Variants in LINC00305 observed in about 807,000 individuals in gnomAD.
LINC00305 encodes the protein long independently transcribed non-coding RNA 305, also known as long intergenic non-protein coding RNA 305.
intron 1 of LINC00305, among the ~76,000 whole-genome samples, chr18:64,125,451 G>A (rs558194256): frequency 1.1e-4 from 17 of 151,648 alleles, no homozygotes; most frequent in African/African-American, 3.1e-4. Flanking sequence ...ATCTTAATTC[G>A]TATTCTCAAA....
chr18:64,115,141 C>A (rs1259307562), intron 1 of LINC00305, among the ~76,000 whole-genome samples: 1 of 152,220 alleles, frequency 6.6e-6, no homozygotes, highest in African/African-American at 2.4e-5. Context: ...ACACTCATCT[C>A]CGCCTTATCT....
intron 3 of LINC00305, among the ~76,000 whole-genome samples, chr18:64,092,155 C>G (rs1357168381): frequency 6.6e-6 from 1 of 152,238 alleles, no homozygotes; most frequent in East Asian, 1.9e-4. Context: ...TGTTTCTCCT[C>G]ATTTCTCCTT....
At chr18:64,092,904 C>T (rs879626355) in intron 3 of LINC00305, among the ~76,000 whole-genome samples, 2 of 152,166 alleles carry the variant, frequency 1.3e-5, no homozygotes, top group African/African-American at 2.4e-5. Context: ...ACAGTCACAG[C>T]TCTTAACCAC....
chr18:64,143,624 G>A (rs1257671669), intron 1 of LINC00305, among the ~76,000 whole-genome samples: 1 of 112,570 alleles, frequency 8.9e-6, no homozygotes, highest in Non-Finnish European at 1.9e-5. Flanking sequence ...GTACACATAT[G>A]TATGTACACG....
intron 3 of LINC00305, among the ~76,000 whole-genome samples, chr18:64,083,758 C>A (rs1378367694): frequency 6.6e-6 from 1 of 152,118 alleles, no homozygotes; most frequent in Admixed American, 6.5e-5. Context: ...ATTCCTGGTT[C>A]TCATTATAAT....
intron 3 of LINC00305, among the ~76,000 whole-genome samples, chr18:64,088,154 AG>A (rs1201648265): frequency 1.3e-5 from 2 of 152,022 alleles, no homozygotes; most frequent in African/African-American, 4.8e-5. Context: ...AAAAAAAAAA[AG>A]AAAGTCAGAG....
chr18:64,131,608 T>C (rs2051410167), intron 1 of LINC00305, among the ~76,000 whole-genome samples: 1 of 152,202 alleles, frequency 6.6e-6, no homozygotes. Flanking sequence ...CATCTGTCCA[T>C]GAAGGGCTCA....
intron 1 of LINC00305, among the ~76,000 whole-genome samples, chr18:64,106,436 C>T (rs1249221238): frequency 6.6e-6 from 1 of 152,146 alleles, no homozygotes; most frequent in Non-Finnish European, 1.5e-5. Context: ...TCTATTTTGT[C>T]ACCACCTAGA....
chr18:64,108,559 C>T (rs2051301448), intron 1 of LINC00305, among the ~76,000 whole-genome samples: 2 of 152,048 alleles, frequency 1.3e-5, no homozygotes, highest in South Asian at 4.1e-4. Context: ...GAGTTGTCTC[C>T]CAGGACTAAT....
rs180931429 is a variant in LINC00305, at chr18:64,133,446, A to G, written n.314+15329T>C. ...CTTACTCCTCTCTAATCCATCTTCC[A>G]CCCTGAGGCCAGAATGATGTTTTTA... On this transcript the variant is annotated intron_variant and non_coding_transcript_variant, in intron 1 of 3. Coordinates refer to ENST00000666468, the Ensembl canonical transcript of LINC00305. Among the ~76,000 whole-genome samples, 32 of 152,284 alleles carry G rather than the reference A, an allele frequency of 2.1e-4. No individual in the cohort carries two copies. In the East Asian group the frequency reaches 6.0e-3, roughly 28 times the overall value.
intron 1 of LINC00305, among the ~76,000 whole-genome samples, chr18:64,111,229 A>T (rs1447185231): frequency 6.6e-6 from 1 of 152,234 alleles, no homozygotes; most frequent in East Asian, 1.9e-4. Flanking sequence ...CTCCCTTCAG[A>T]ATGACTAACA....
chr18:64,088,651 A>C (rs909594425), intron 3 of LINC00305, among the ~76,000 whole-genome samples: 2 of 152,240 alleles, frequency 1.3e-5, no homozygotes, highest in Non-Finnish European at 2.9e-5. Flanking sequence ...TGAGACTGTA[A>C]GTTCCTTGAG....
At chr18:64,121,085 G>T (rs1268993145) in intron 1 of LINC00305, among the ~76,000 whole-genome samples, 5 of 151,964 alleles carry the variant, frequency 3.3e-5, no homozygotes, top group Admixed American at 3.3e-4. Context: ...GTATAAAAAT[G>T]GTACATGGAA....
chr18:64,122,529 G>A (rs951506032), intron 1 of LINC00305, among the ~76,000 whole-genome samples: 2 of 151,878 alleles, frequency 1.3e-5, no homozygotes, highest in Non-Finnish European at 2.9e-5. Context: ...TGTTTATTTT[G>A]TTCCACCAAT....
At chr18:64,129,979 C>CTT (rs558611422) in intron 1 of LINC00305, among the ~76,000 whole-genome samples, 12 of 142,304 alleles carry the variant, frequency 8.4e-5, no homozygotes, top group East Asian at 4.1e-4. Context: ...ATGTCATTTT[C>CTT]TTTTTTTTTT....
chr18:64,097,743 C>T lies in LINC00305; in HGVS notation n.540+91G>A, dbSNP rs1404399258. On this transcript the variant is annotated intron_variant and non_coding_transcript_variant, in intron 3 of 3. Coordinates refer to ENST00000666468, the Ensembl canonical transcript of LINC00305. ...ATCAGAAGTAATATTATTTCAAGTC[C>T]TCATATTGAATACTAATAAAAAAGT... The T allele has an allele frequency of 1.3e-5, 5 of 390,806 alleles. No homozygotes were observed. The Admixed American group carries it at 1.6e-4, about 12-fold the overall frequency. 24.2% of individuals were successfully genotyped at this position (390,806 alleles called of 1,614,324 possible).
intron 1 of LINC00305, among the ~76,000 whole-genome samples, chr18:64,129,474 C>T (rs1568115347): frequency 6.6e-6 from 1 of 151,982 alleles, no homozygotes; most frequent in Non-Finnish European, 1.5e-5. Context: ...GCAGGGATGC[C>T]CCAATGCTTC....
chr18:64,096,523 G>C (rs2051245776), intron 3 of LINC00305, among the ~76,000 whole-genome samples: 1 of 151,732 alleles, frequency 6.6e-6, no homozygotes. Flanking sequence ...GTATAATCCT[G>C]TTGGTATTAA....
chr18:64,141,174 AC>A (rs1378544480), intron 1 of LINC00305, among the ~76,000 whole-genome samples: 1 of 151,864 alleles, frequency 6.6e-6, no homozygotes, highest in Non-Finnish European at 1.5e-5. Flanking sequence ...AGCCCACCAC[AC>A]CTTTAACCTA....
Sources: allele counts gnomAD v4.1 joint callset (sites outside exome capture counted in the v4.1 genomes callset), GRCh38; gene constraint gnomAD v4.1.1; transcripts MANE v1.5; gene names NCBI Gene and HGNC (gene_info 2026-07-23, HGNC 2026-07-21).